Variants in EIF3H observed in about 807,000 individuals in gnomAD.
EIF3H encodes eIF-3-gamma.
EIF3H carries 26 observed loss-of-function variants against 44.2 expected under a neutral mutation model. The observed-to-expected ratio is 0.59, with a 90% CI of 0.43 to 0.82. EIF3H has a LOEUF of 0.82. Ranked by LOEUF, EIF3H falls within the 40% of genes least tolerant of loss-of-function variation. The pLI, the probability that EIF3H is intolerant of heterozygous loss-of-function variation, is 0.00. For synonymous variants in EIF3H, 166 were observed against 151.9 expected (o/e 1.09, Z -0.68); for missense variants, 359 against 432.8 (o/e 0.83, Z 1.51).
chr8:116,701,643 A>G (rs1814376735), intron 2 of EIF3H, among the ~76,000 whole-genome samples: 1 of 152,218 alleles, frequency 6.6e-6, no homozygotes, highest in African/African-American at 2.4e-5. Flanking sequence ...TCACTTGTAT[A>G]ATTCCCCAAA....
Position 116,644,914 on chromosome 8 carries a change from G to A in EIF3H, c.*92C>T. The A allele has an allele frequency of 3.0e-6, 3 of 1,009,254 alleles. No individual in the cohort carries two copies. The highest frequency in any genetic ancestry group is 4.5e-6 in the Non-Finnish European group (3 of 665,382). 62.5% of individuals were successfully genotyped at this position (1,009,254 alleles called of 1,614,324 possible). On this transcript the variant is annotated 3_prime_UTR_variant, in exon 8 of 8. Transcript: ENST00000521861. ...CAATGACACTAAAGAAATCCTCTGT[G>A]CTTTTCAATATGCAAATATATTTCT... is the stretch of plus-strand genomic sequence containing the variant.
upstream of EIF3H, among the ~76,000 whole-genome samples, chr8:116,758,993 C>A (rs1016729035): frequency 2.0e-5 from 3 of 152,108 alleles, no homozygotes; most frequent in African/African-American, 7.2e-5. Flanking sequence ...CTGAAGTATG[C>A]ATAAGAAAGT....
chr8:116,747,838 G>A (rs184193006), intron 1 of EIF3H, among the ~76,000 whole-genome samples: 1 of 152,026 alleles, frequency 6.6e-6, no homozygotes, highest in African/African-American at 2.4e-5. Flanking sequence ...AGCCTGCTGC[G>A]GTGGCTCACA....
At chr8:116,677,495 C>CT (rs1257186815) in intron 2 of EIF3H, among the ~76,000 whole-genome samples, 4 of 152,312 alleles carry the variant, frequency 2.6e-5, no homozygotes, top group Middle Eastern at 3.4e-3. Flanking sequence ...GGGAGTAAGG[C>CT]ATTCCAGTTT....
chr8:116,744,214 T>TAAA lies in EIF3H; in HGVS notation c.132+11449_132+11451dup, dbSNP rs66854303. On this transcript the variant is annotated intron_variant, in intron 1 of 7. Coordinates refer to ENST00000521861, the MANE Select transcript of EIF3H (RefSeq NM_003756.3). ...GGAGAGGTGGAAACATAGAAAGTAT[T>TAAA]AAAAAAAAAAAAAACAAACAGTAAG... Among the ~76,000 whole-genome samples the TAAA allele has an allele frequency of 1.2e-3, 169 of 141,266 alleles. 1 individual carries two copies. The highest frequency in any genetic ancestry group is 3.3e-3 in the African/African-American group (125 of 38,108). The allele number at this position is 141,266 out of a possible 152,430, so 92.7% of individuals were successfully genotyped here. A position where few individuals can be genotyped will look rare whatever the true frequency, so the allele number is the denominator to read the frequency against.
intron 2 of EIF3H, among the ~76,000 whole-genome samples, chr8:116,679,233 C>CA: frequency 1.5e-5 from 1 of 67,556 alleles, no homozygotes; most frequent in Non-Finnish European, 3.8e-5. Context: ...TCTGCCCGGC[C>CA]GCCCCTACTG....
chr8:116,732,360 G>A (rs1814964249), intron 1 of EIF3H, among the ~76,000 whole-genome samples: 1 of 152,038 alleles, frequency 6.6e-6, no homozygotes, highest in Admixed American at 6.5e-5. Context: ...AACATTATAA[G>A]TCAATAAATC....
chr8:116,742,435 TACCA>T (rs1815149470), intron 1 of EIF3H, among the ~76,000 whole-genome samples: 1 of 152,232 alleles, frequency 6.6e-6, no homozygotes, highest in Admixed American at 6.5e-5. Context: ...GTTTCTGCTT[TACCA>T]ATTCAATATA....
intron 1 of EIF3H, 148 bp from the exon 2 acceptor site, chr8:116,726,320 C>CT: frequency 1.1e-6 from 1 of 872,004 alleles, no homozygotes; most frequent in Non-Finnish European, 1.6e-6. Context: ...CAAATCCTTT[C>CT]CTTTACCCTT....
At chr8:116,698,379 C>G (rs1586462526) in intron 2 of EIF3H, among the ~76,000 whole-genome samples, 1 of 152,170 alleles carries the variant, frequency 6.6e-6, no homozygotes. Context: ...TGAAAATTAC[C>G]CCTCTCCTCA....
At chr8:116,677,828 T>C (rs1043714261) in intron 2 of EIF3H, among the ~76,000 whole-genome samples, 1 of 152,234 alleles carries the variant, frequency 6.6e-6, no homozygotes, top group Non-Finnish European at 1.5e-5. Flanking sequence ...GATAGAAATC[T>C]AGAATAAGGT....
intron 1 of EIF3H, among the ~76,000 whole-genome samples, chr8:116,735,191 T>C (rs1420394962): frequency 6.6e-6 from 1 of 152,178 alleles, no homozygotes; most frequent in African/African-American, 2.4e-5. Flanking sequence ...ACATCAGACA[T>C]AGACATAATC....
Position 116,718,607 on chromosome 8 carries a change from G to A in EIF3H, c.289+7409C>T, listed in dbSNP as rs138877477. Among the ~76,000 whole-genome samples, 70 of 152,116 alleles carry A rather than the reference G, an allele frequency of 4.6e-4. 1 individual carries two copies. The East Asian group carries it at 8.1e-3, about 18-fold the overall frequency. ...ATGGAATTAGAAATCATTATTCTAA[G>A]TGAAGTAACTCGGGAATGGAAAACC... On this transcript the variant is annotated intron_variant, in intron 2 of 7. Coordinates refer to ENST00000521861, the MANE Select transcript of EIF3H (RefSeq NM_003756.3).
chr8:116,734,176 TATTCTA>T (rs969495481), intron 1 of EIF3H: 12 of 429,230 alleles, frequency 2.8e-5, no homozygotes, highest in South Asian at 1.0e-4. Flanking sequence ...TAGGAGCCAC[TATTCTA>T]GAATGACAAT....
chr8:116,763,021 G>A (rs2131013880), intron 1 of EIF3H, among the ~76,000 whole-genome samples: 1 of 152,294 alleles, frequency 6.6e-6, no homozygotes, highest in Non-Finnish European at 1.5e-5. Flanking sequence ...AATAAAATCA[G>A]GAGTCTATTC....
chr8:116,682,317 T>A (rs1814003621), intron 2 of EIF3H, among the ~76,000 whole-genome samples: 1 of 152,220 alleles, frequency 6.6e-6, no homozygotes, highest in African/African-American at 2.4e-5. Context: ...AAGTCTCAAT[T>A]GAAGCTTTAA....
chr8:116,671,901 CA>C (rs1323221739), intron 2 of EIF3H, among the ~76,000 whole-genome samples: 12 of 152,186 alleles, frequency 7.9e-5, no homozygotes, highest in African/African-American at 2.7e-4. Context: ...GCTGAGAAAA[CA>C]GAAGATCTGA....
chr8:116,716,070 A>G (rs1814655033), intron 2 of EIF3H, among the ~76,000 whole-genome samples: 1 of 152,238 alleles, frequency 6.6e-6, no homozygotes, highest in South Asian at 2.1e-4. Flanking sequence ...AAAACTTATA[A>G]TAACAGTTTT....
At chr8:116,646,680 A>C in intron 6 of EIF3H, 77 bp from the exon 7 acceptor site, 1 of 1,558,770 alleles carries the variant, frequency 6.4e-7, no homozygotes, top group Non-Finnish European at 8.7e-7. Context: ...CCCCTACACA[A>C]CCAGCAGAAC....
Sources: gnomAD v4.1 joint callset for allele counts (sites outside exome capture counted in the v4.1 genomes callset) on GRCh38, gnomAD v4.1.1 for gene constraint, MANE v1.5 for transcripts, NCBI Gene and HGNC (gene_info 2026-07-23, HGNC 2026-07-21) for gene names.